DAZAP2: variants seen among roughly 807,000 people sequenced by gnomAD.
DAZAP2 encodes DAZ-associated protein 2.
Under a neutral mutation model 16.2 loss-of-function variants are expected in DAZAP2, and 3 were observed. The observed-to-expected ratio is 0.19, with a 90% CI of 0.08 to 0.48. DAZAP2 has a LOEUF of 0.48. DAZAP2 is among the 20% of genes least tolerant of loss of function. The pLI, the probability that DAZAP2 is intolerant of heterozygous loss-of-function variation, is 0.98. For missense variants in DAZAP2, 172 were observed against 215.9 expected (o/e 0.80, Z 1.27); for synonymous variants, 69 against 77.6 (o/e 0.89, Z 0.58).
Position 51,242,923 on chromosome 12 carries a change from C to T in DAZAP2, c.*465C>T, listed in dbSNP as rs1160412962. The T allele has an allele frequency of 8.8e-7, 1 of 1,132,606 alleles. No individual in the cohort carries two copies. Among genetic ancestry groups the T allele is most frequent in the South Asian group, 2.9e-5 (1 of 34,854 alleles). The allele number at this position is 1,132,606 out of a possible 1,614,324, so 70.2% of individuals were successfully genotyped here. On this transcript the variant is annotated 3_prime_UTR_variant, in exon 4 of 4. Coordinates refer to ENST00000412716, the MANE Select transcript of DAZAP2 (RefSeq NM_014764.4). ...CATTAGTTGTCTGCCTTTTCCTTTCCATCCCTTGCCCCACCCATCCCATCT... is the reference window on the plus strand; with the variant it reads ...CATTAGTTGTCTGCCTTTTCCTTTCTATCCCTTGCCCCACCCATCCCATCT...
Position 51,241,043 on chromosome 12 carries a change from C to A in DAZAP2, c.305C>A (p.Ser102Tyr). The A allele has an allele frequency of 6.2e-7, 1 of 1,614,158 alleles. No homozygotes were observed. Among genetic ancestry groups the A allele is most frequent in the Non-Finnish European group, 8.5e-7 (1 of 1,180,036 alleles). The change falls in exon 3 of 4, where the codon TCC becomes TAC. Residue 102 changes from serine (S) to tyrosine (Y), a missense_variant. By Grantham distance (144) the Ser-to-Tyr change is moderately radical. Transcript: ENST00000412716. Reference sequence around the variant, plus strand: ...GTCGGTCCCATCTATCCACCTGGCTCCACAGTGCTGGTGGAAGGAGGGTAT... The same window carrying A: ...GTCGGTCCCATCTATCCACCTGGCTACACAGTGCTGGTGGAAGGAGGGTAT... ...YPVGPIYPPG[S>Y]TVLVEGGYDA... is the part of the protein sequence containing the mutation.
At chr12:51,244,990 AT>A, downstream of DAZAP2, 1 of 152,108 alleles carries the variant, frequency 6.6e-6, no homozygotes, top group Non-Finnish European at 1.5e-5. Flanking sequence ...ACGCCCAGCT[AT>A]TTTTTTTATA....
At position 51,242,228 on chromosome 12, in the gene DAZAP2, G is replaced by C. The variant is rs1332925300; in HGVS notation, c.379-102G>C. On this transcript the variant is annotated intron_variant, in intron 3 of 3. Transcript: ENST00000412716. ...GGAACTAGCTCCTTAAAACGCAGCT[G>C]GTTAGCACATTGCCTCATCCTAACA... is the stretch of plus-strand genomic sequence containing the variant. 4 of 1,469,738 alleles carry C rather than the reference G, an allele frequency of 2.7e-6. No homozygotes were observed. The African/African-American group carries it at 5.6e-5, about 21-fold the overall frequency. The allele number at this position is 1,469,738 out of a possible 1,614,324, so 91.0% of individuals were successfully genotyped here.
Position 51,240,336 on chromosome 12 carries a change from C to CT in DAZAP2, c.14-4dup. 6.2e-7 allele frequency: 1 copy of CT among 1,610,574 alleles called. No homozygotes were observed. Among genetic ancestry groups the CT allele is most frequent in the Non-Finnish European group, 8.5e-7 (1 of 1,177,352 alleles). ...TAGGCAACCTTCATTTTTTTCTTGT[C>CT]TTTCAGGTCAATATCCAACACAGCC... is the stretch of plus-strand genomic sequence containing the variant. On this transcript the variant is annotated splice_region_variant and splice_polypyrimidine_tract_variant and intron_variant, in intron 1 of 3. Transcript: ENST00000412716.
Position 51,243,824 on chromosome 12 carries a change from T to C in DAZAP2, c.*1366T>C, listed in dbSNP as rs1176096790. On this transcript the variant is annotated 3_prime_UTR_variant, in exon 4 of 4. Coordinates refer to ENST00000412716, the MANE Select transcript of DAZAP2 (RefSeq NM_014764.4). ...ATTCTTTACTTAGCTTGTTTTTAGA[T>C]TTCTTCTATATATATTTTATTTATA... The C allele has an allele frequency of 1.0e-5, 10 of 984,758 alleles. No homozygotes were observed. Among genetic ancestry groups the C allele is most frequent in the South Asian group, 4.7e-5 (1 of 21,276 alleles). 61.0% of individuals were successfully genotyped at this position (984,758 alleles called of 1,614,324 possible). A position where few individuals can be genotyped will look rare whatever the true frequency, so the allele number is the denominator to read the frequency against.
Position 51,243,798 on chromosome 12 carries a change from G to A in DAZAP2, c.*1340G>A, listed in dbSNP as rs777618382. 62 of 985,404 alleles carry A rather than the reference G, an allele frequency of 6.3e-5. No homozygotes were observed. The highest frequency in any genetic ancestry group is 1.9e-4 in the South Asian group (4 of 21,276). The allele number at this position is 985,404 out of a possible 1,614,324, so 61.0% of individuals were successfully genotyped here. ...AAGTTGCATTACACCTCACTGCAAG[G>A]ATTCTTTACTTAGCTTGTTTTTAGA... On this transcript the variant is annotated 3_prime_UTR_variant, in exon 4 of 4. Transcript: ENST00000412716.
In DAZAP2 at chr12:51,243,925, C is replaced by T; in HGVS notation, c.*1467C>T. On this transcript the variant is annotated 3_prime_UTR_variant, in exon 4 of 4. Coordinates refer to ENST00000412716, the MANE Select transcript of DAZAP2 (RefSeq NM_014764.4). ...ACGCTTTGAAATAAAGGCAGGAGTA[C>T]AAGCCTAAGACTTGATCATTTCATG... 1.0e-6 allele frequency: 1 copy of T among 984,842 alleles called. No individual in the cohort carries two copies. Among genetic ancestry groups the T allele is most frequent in the Non-Finnish European group, 1.2e-6 (1 of 829,450 alleles). The allele number at this position is 984,842 out of a possible 1,614,324, so 61.0% of individuals were successfully genotyped here. A position where few individuals can be genotyped will look rare whatever the true frequency, so the allele number is the denominator to read the frequency against.
rs1944600409 is a variant in DAZAP2 at position 51,238,869 on chromosome 12, C to T, written c.-39C>T. On this transcript the variant is annotated 5_prime_UTR_variant, in exon 1 of 4. Coordinates refer to ENST00000412716, the MANE Select transcript of DAZAP2 (RefSeq NM_014764.4). ...AACAGGAAGAGGACGAAAAAAATAA[C>T]CGTCCGCGACGCCGAGACAAACCGG... 2 of 1,612,862 alleles carry T rather than the reference C, an allele frequency of 1.2e-6. No individual in the cohort carries two copies. The highest frequency in any genetic ancestry group is 1.1e-5 in the South Asian group (1 of 91,080).
Position 51,243,457 on chromosome 12 carries a change from A to G in DAZAP2, c.*999A>G, listed in dbSNP as rs1130641. ...CTCCCCAGAATTCCTAGACTGGGTT[A>G]ATAGGGTCATATTGTGAATGTCTCA... On this transcript the variant is annotated 3_prime_UTR_variant, in exon 4 of 4. Transcript: ENST00000412716. 0.15 allele frequency: 143,031 copies of G among 985,600 alleles called. 13,557 individuals are homozygous for G. The highest frequency in any genetic ancestry group is 0.41 in the African/African-American group (23,716 of 57,230). 61.1% of individuals were successfully genotyped at this position (985,600 alleles called of 1,614,324 possible). A position where few individuals can be genotyped will look rare whatever the true frequency, so the allele number is the denominator to read the frequency against.
chr12:51,242,692 A>T lies in DAZAP2; in HGVS notation c.*234A>T. ...GGGGAGGTATCCATTCATAAAATGAATGTGGGTGAAGCCGCCCTAAGGATT... is the reference window on the plus strand; with the variant it reads ...GGGGAGGTATCCATTCATAAAATGATTGTGGGTGAAGCCGCCCTAAGGATT... On this transcript the variant is annotated 3_prime_UTR_variant, in exon 4 of 4. Transcript: ENST00000412716. 1 of 1,502,798 alleles carries T rather than the reference A, an allele frequency of 6.7e-7. No homozygotes were observed. Among genetic ancestry groups the T allele is most frequent in the Non-Finnish European group, 8.9e-7 (1 of 1,125,298 alleles). 93.1% of individuals were successfully genotyped at this position (1,502,798 alleles called of 1,614,324 possible).
At chr12:51,240,056 C>T (rs1592225952) in intron 1 of DAZAP2, 2 of 422,016 alleles carry the variant, frequency 4.7e-6, no homozygotes, top group Non-Finnish European at 8.8e-6. Context: ...CAGACCTGTC[C>T]TGCATTCCGG....
chr12:51,242,160 T>A, intron 3 of DAZAP2, among the ~76,000 whole-genome samples, 170 bp from the exon 4 acceptor site: 1 of 152,194 alleles, frequency 6.6e-6, no homozygotes, highest in African/African-American at 2.4e-5. Context: ...TATCTTTGGG[T>A]TCACATAAAG....
intron 3 of DAZAP2, among the ~76,000 whole-genome samples, chr12:51,241,959 CTATG>C (rs1245364040): frequency 6.6e-6 from 1 of 151,758 alleles, no homozygotes; most frequent in Non-Finnish European, 1.5e-5. Flanking sequence ...AAATTAAAAA[CTATG>C]TAGGGACCAT....
At chr12:51,245,850 T>TC, downstream of DAZAP2, 1 of 1,436,286 alleles carries the variant, frequency 7.0e-7, no homozygotes, top group Middle Eastern at 2.6e-4. Flanking sequence ...AATCAATGCT[T>TC]CTCCCTGGCT....
intron 3 of DAZAP2, among the ~76,000 whole-genome samples, chr12:51,241,998 C>G (rs891518827): frequency 4.6e-5 from 7 of 151,976 alleles, no homozygotes; most frequent in Admixed American, 1.3e-4. Flanking sequence ...TGGACTGGCA[C>G]CCTGTCCCTG....
At chr12:51,246,651 C>T, downstream of DAZAP2, 1 of 547,050 alleles carries the variant, frequency 1.8e-6, no homozygotes, top group Non-Finnish European at 2.9e-6. Flanking sequence ...ATATAACTTA[C>T]AAGCCAGAGT....
At chr12:51,244,372 CT>C (rs1944736335), downstream of DAZAP2, among the ~76,000 whole-genome samples, 1 of 152,116 alleles carries the variant, frequency 6.6e-6, no homozygotes, top group South Asian at 2.1e-4. Flanking sequence ...CATTTCTGTA[CT>C]TTTAGTAGAG....
chr12:51,239,298 G>A (rs775773752), intron 1 of DAZAP2: 4 of 243,650 alleles, frequency 1.6e-5, no homozygotes, highest in African/African-American at 6.9e-5. Context: ...CTTAACTACT[G>A]AATTGCTGGA....
chr12:51,241,663 T>G (rs1388403764), intron 3 of DAZAP2, among the ~76,000 whole-genome samples: 1 of 152,196 alleles, frequency 6.6e-6, no homozygotes, highest in Non-Finnish European at 1.5e-5. Context: ...TTCCAGTAGT[T>G]CATTCAAAAA....
Sources: gnomAD v4.1 joint callset for allele counts (sites outside exome capture counted in the v4.1 genomes callset) on GRCh38, gnomAD v4.1.1 for gene constraint, MANE v1.5 for transcripts, NCBI Gene and HGNC (gene_info 2026-07-23, HGNC 2026-07-21) for gene names.